COL25A1: variants seen among roughly 807,000 people sequenced by gnomAD.
COL25A1 encodes collagen type XXV alpha 1 chain.
Under a neutral mutation model 128.4 loss-of-function variants are expected in COL25A1, and 103 were observed. The observed-to-expected ratio is 0.80, with a 90% CI of 0.68 to 0.94. The LOEUF (loss-of-function observed/expected upper bound fraction) is 0.94. COL25A1 is among the 40% of genes least tolerant of loss of function. The pLI, the probability that COL25A1 is intolerant of heterozygous loss-of-function variation, is 0.00. For synonymous variants in COL25A1, 279 were observed against 277.2 expected (o/e 1.01, Z -0.06); for missense variants, 745 against 840.0 (o/e 0.89, Z 1.40).
chr4:108,832,442 A>C lies in COL25A1; in HGVS notation c.1657-9T>G, dbSNP rs1285572709. 2 of 1,583,894 alleles carry C rather than the reference A, an allele frequency of 1.3e-6. No homozygotes were observed. The highest frequency in any genetic ancestry group is 1.4e-5 in the African/African-American group (1 of 73,742). Reference sequence around the variant, plus strand: ...ATAGGACCATCTGTACCCTAAAAAAAAGATAATATGAGATATATCACAAGG... The same window carrying C: ...ATAGGACCATCTGTACCCTAAAAAACAGATAATATGAGATATATCACAAGG... On this transcript the variant is annotated splice_polypyrimidine_tract_variant and intron_variant, in intron 31 of 37. Transcript: ENST00000399132.
At chr4:108,900,916 T>C (rs1387393316) in intron 14 of COL25A1, among the ~76,000 whole-genome samples, 2 of 152,164 alleles carry the variant, frequency 1.3e-5, no homozygotes, top group East Asian at 1.9e-4. Context: ...CCCATTTATT[T>C]TTCTGCATTT....
At chr4:108,834,011 T>C (rs1433892327) in intron 31 of COL25A1, among the ~76,000 whole-genome samples, 1 of 152,184 alleles carries the variant, frequency 6.6e-6, no homozygotes, top group African/African-American at 2.4e-5. Flanking sequence ...TCTCATGGAA[T>C]TGTAGGGGAT....
chr4:108,962,703 G>A (rs757398914), intron 8 of COL25A1, among the ~76,000 whole-genome samples: 2 of 150,370 alleles, frequency 1.3e-5, no homozygotes, highest in Non-Finnish European at 2.9e-5. Flanking sequence ...ACGTGGAACT[G>A]TAAAACCAAC....
At chr4:108,826,044 A>G (rs1386132186) in intron 33 of COL25A1, among the ~76,000 whole-genome samples, 1 of 151,770 alleles carries the variant, frequency 6.6e-6, no homozygotes, top group African/African-American at 2.4e-5. Context: ...CTTTTTTTTG[A>G]TTTAGCACTG....
At chr4:108,905,471 T>C (rs1176065291) in intron 13 of COL25A1, among the ~76,000 whole-genome samples, 1 of 151,584 alleles carries the variant, frequency 6.6e-6, no homozygotes, top group Non-Finnish European at 1.5e-5. Flanking sequence ...CATACGTAAC[T>C]AACCTGCACA....
chr4:108,980,101 G>A (rs1752824145), intron 6 of COL25A1, among the ~76,000 whole-genome samples: 1 of 152,156 alleles, frequency 6.6e-6, no homozygotes, highest in African/African-American at 2.4e-5. Flanking sequence ...TTAAAAGGCT[G>A]GTTAACCACA....
intron 5 of COL25A1, among the ~76,000 whole-genome samples, chr4:109,044,932 A>C (rs543028436): frequency 1.4e-4 from 21 of 152,292 alleles, no homozygotes; most frequent in African/African-American, 5.1e-4. Context: ...TTGACCTTAA[A>C]CAGCATGGGT....
At chr4:108,920,830 T>C (rs1425901936) in intron 11 of COL25A1, among the ~76,000 whole-genome samples, 1 of 152,212 alleles carries the variant, frequency 6.6e-6, no homozygotes, top group Non-Finnish European at 1.5e-5. Context: ...GATTCTGATT[T>C]CTCCTCTCTA....
At chr4:108,987,875 A>G (rs1179542832) in intron 6 of COL25A1, among the ~76,000 whole-genome samples, 1 of 152,158 alleles carries the variant, frequency 6.6e-6, no homozygotes, top group African/African-American at 2.4e-5. Context: ...CTCGCTCCCC[A>G]AAGCATTACC....
At chr4:109,169,187 T>G (rs1438645246) in intron 3 of COL25A1, among the ~76,000 whole-genome samples, 1 of 152,182 alleles carries the variant, frequency 6.6e-6, no homozygotes, top group Non-Finnish European at 1.5e-5. Flanking sequence ...TCCTGACACA[T>G]GCAATACCTC....
At chr4:109,094,871 A>T (rs1462028123) in intron 3 of COL25A1, among the ~76,000 whole-genome samples, 4 of 152,214 alleles carry the variant, frequency 2.6e-5, no homozygotes, top group Admixed American at 2.0e-4. Context: ...CAAAACTACA[A>T]AAAGTAAAGC....
chr4:108,878,411 C>T (rs1739711242), intron 19 of COL25A1, among the ~76,000 whole-genome samples: 1 of 151,910 alleles, frequency 6.6e-6, no homozygotes, highest in South Asian at 2.1e-4. Context: ...TCTTGATTAA[C>T]GTGTCTTGAC....
chr4:108,977,292 T>C (rs1752527942), intron 6 of COL25A1, among the ~76,000 whole-genome samples: 1 of 152,216 alleles, frequency 6.6e-6, no homozygotes. Context: ...AAAACCTTTT[T>C]ATCTCTTACC....
intron 3 of COL25A1, among the ~76,000 whole-genome samples, chr4:109,290,661 T>C (rs1390817186): frequency 6.6e-6 from 1 of 152,126 alleles, no homozygotes; most frequent in African/African-American, 2.4e-5. Context: ...ATAATAGCTT[T>C]GGTTGGCATG....
chr4:108,870,449 A>T (rs893918367), intron 19 of COL25A1, among the ~76,000 whole-genome samples: 2 of 90,072 alleles, frequency 2.2e-5, no homozygotes, highest in Non-Finnish European at 5.2e-5. Flanking sequence ...TGATCTAAGA[A>T]AAAAAAAAAA....
At chr4:108,892,607 A>C (rs1242950897) in intron 16 of COL25A1, among the ~76,000 whole-genome samples, 1 of 152,150 alleles carries the variant, frequency 6.6e-6, no homozygotes, top group Non-Finnish European at 1.5e-5. Context: ...GTAGTGCAAA[A>C]ATATTATTGA....
intron 12 of COL25A1, 35 bp from the exon 13 acceptor site, chr4:108,918,251 A>G: frequency 4.2e-6 from 6 of 1,432,344 alleles, no homozygotes; most frequent in Non-Finnish European, 5.8e-6. Context: ...AGTTGATATC[A>G]TACACAAAAT....
At chr4:108,909,723 A>G (rs1027975696) in intron 13 of COL25A1, among the ~76,000 whole-genome samples, 2 of 152,190 alleles carry the variant, frequency 1.3e-5, no homozygotes, top group Non-Finnish European at 2.9e-5. Flanking sequence ...CATAAATGAG[A>G]GGAATTATTT....
At chr4:108,879,596 C>A (rs897692806) in intron 19 of COL25A1, among the ~76,000 whole-genome samples, 1 of 151,388 alleles carries the variant, frequency 6.6e-6, no homozygotes, top group Non-Finnish European at 1.5e-5. Context: ...TACAGGCATG[C>A]GCCACCACAC....
Sources: allele counts gnomAD v4.1 joint callset (sites outside exome capture counted in the v4.1 genomes callset), GRCh38; gene constraint gnomAD v4.1.1; transcripts MANE v1.5; gene names NCBI Gene and HGNC (gene_info 2026-07-23, HGNC 2026-07-21).